The following GAPVD1 variants were observed in gnomAD, a reference collection of about 807,000 sequenced individuals.
GAPVD1 encodes GTPase-activating protein and VPS9 domain-containing protein 1.
GAPVD1 carries 35 observed loss-of-function variants against 155.5 expected under a neutral mutation model. That is an observed-to-expected ratio of 0.23 (90% CI 0.17 to 0.30). The LOEUF is 0.30. Among genes scored for constraint, GAPVD1 ranks in the 10% least tolerant of loss-of-function variants. The pLI is 1.00. For missense variants in GAPVD1, 1,429 were observed against 1,775.7 expected, an observed-to-expected ratio of 0.80 and a Z score of 3.51; for synonymous variants, 636 against 619.7, an observed-to-expected ratio of 1.03 and a Z score of -0.39.
chr9:125,349,363 C>T lies in GAPVD1; in HGVS notation c.3170-27C>T, dbSNP rs191231287. ...AATATTCCAAATGAACCTGGGTATC[C>T]GTTTCTTGGGGGTGGGTTTTGTTTA... is the stretch of plus-strand genomic sequence containing the variant. On this transcript the variant is annotated intron_variant, in intron 20 of 27. Transcript: ENST00000297933. 3.8e-4 allele frequency: 614 copies of T among 1,597,390 alleles called. 2 individuals carry two copies. The African/African-American group carries it at 5.5e-3, about 14-fold the overall frequency.
chr9:125,332,038 A>G lies in GAPVD1; in HGVS notation c.2286A>G (p.Thr762=). 6.2e-7 allele frequency: 1 copy of G among 1,614,154 alleles called. No individual in the cohort carries two copies. The highest frequency in any genetic ancestry group is 8.5e-7 in the Non-Finnish European group (1 of 1,180,012). Residue 762 remains threonine, a synonymous_variant, in exon 14 of 28, where the codon ACA becomes ACG. Coordinates refer to ENST00000297933, the MANE Select transcript of GAPVD1 (RefSeq NM_001282680.3). ...GGGAGGTCAGTTCCCGCCCCAGCAC[A>G]CCAGGCCTCAGTGTTGTGTCCGGTA... is the stretch of plus-strand genomic sequence containing the variant. ...DVREVSSRPS[T]PGLSVVSGIS...
intron 25 of GAPVD1, 79 bp downstream of exon 25, chr9:125,355,936 C>T (rs887465371): frequency 1.9e-5 from 15 of 785,568 alleles, no homozygotes; most frequent in African/African-American, 3.4e-5. Flanking sequence ...GCAAGCTATA[C>T]GTGTAACTTA....
intron 2 of GAPVD1, among the ~76,000 whole-genome samples, chr9:125,280,266 C>T (rs1281656573): frequency 6.6e-6 from 1 of 150,718 alleles, no homozygotes. Flanking sequence ...CATGGTGGTG[C>T]ATGCCTGTAA....
chr9:125,312,767 G>A (rs1160943584), intron 9 of GAPVD1, among the ~76,000 whole-genome samples, 155 bp downstream of exon 9: 2 of 152,150 alleles, frequency 1.3e-5, no homozygotes, highest in Non-Finnish European at 2.9e-5. Context: ...CAGATTCAGT[G>A]TCTTGTAAGG....
At chr9:125,341,563 T>G (rs1336242536) in intron 18 of GAPVD1, 2 of 209,766 alleles carry the variant, frequency 9.5e-6, no homozygotes, top group East Asian at 2.3e-4. Context: ...ACATATATAT[T>G]GCTATTAATT....
rs534947919 is a variant in GAPVD1 at position 125,352,126 on chromosome 9, G to A, written c.3569+1254G>A. Among the ~76,000 whole-genome samples, 3 of 152,268 alleles carry A rather than the reference G, an allele frequency of 2.0e-5. No homozygotes were observed. In the South Asian group the frequency reaches 6.2e-4, roughly 32 times the overall value. On this transcript the variant is annotated intron_variant, in intron 23 of 27. Transcript: ENST00000297933. ...CTGGCTGCTTTCATGGGCTGGTGTG[G>A]AGTTGCTGGCTTTTCTAGGTGCACG... is the stretch of plus-strand genomic sequence containing the variant.
intron 2 of GAPVD1, among the ~76,000 whole-genome samples, chr9:125,288,743 G>A (rs538780614): frequency 1.3e-4 from 20 of 152,312 alleles, no homozygotes; most frequent in African/African-American, 4.8e-4. Context: ...CTTATGGTCA[G>A]TGATGACTGC....
chr9:125,337,741 T>G, intron 17 of GAPVD1, 150 bp downstream of exon 17: 1 of 815,440 alleles, frequency 1.2e-6, no homozygotes, highest in Non-Finnish European at 1.9e-6. Context: ...CCCACAACCA[T>G]AACCGCAGGA....
At position 125,366,598 on chromosome 9, in the gene GAPVD1, T is replaced by C. The variant is rs1851481856; in HGVS notation, c.*3852T>C. ...TTTATTTTGTACGCAATTGCTTTAATTTTAAGGGAAGTAAATCTGAAACTA... is the reference window on the plus strand; with the variant it reads ...TTTATTTTGTACGCAATTGCTTTAACTTTAAGGGAAGTAAATCTGAAACTA... On this transcript the variant is annotated 3_prime_UTR_variant, in exon 28 of 28. Coordinates refer to ENST00000297933, the MANE Select transcript of GAPVD1 (RefSeq NM_001282680.3). 6.6e-6 allele frequency: 1 copy of C among 152,222 alleles called. No individual in the cohort carries two copies. 9.4% of individuals were successfully genotyped at this position (152,222 alleles called of 1,614,324 possible). A position where few individuals can be genotyped will look rare whatever the true frequency, so the allele number is the denominator to read the frequency against.
At position 125,366,295 on chromosome 9, in the gene GAPVD1, A is replaced by T. The variant is rs1467669358; in HGVS notation, c.*3549A>T. ...GCTGACTGGTGTGCTGAACCCGGGC[A>T]CTCTTTTTCCTATTGTTTGCCATGG... On this transcript the variant is annotated 3_prime_UTR_variant, in exon 28 of 28. Transcript: ENST00000297933. 6.6e-6 allele frequency: 1 copy of T among 151,756 alleles called. No homozygotes were observed. The highest frequency in any genetic ancestry group is 1.9e-4 in the East Asian group (1 of 5,174). The allele number at this position is 151,756 out of a possible 1,614,324, so 9.4% of individuals were successfully genotyped here.
rs201827411 is a variant in GAPVD1 at position 125,296,518 on chromosome 9, C to T, written c.-33+944C>T. 9.3e-5 allele frequency among the ~76,000 whole-genome samples: 14 copies of T among 151,288 alleles called. No homozygotes were observed. The East Asian group carries it at 2.7e-3, about 29-fold the overall frequency. On this transcript the variant is annotated intron_variant, in intron 3 of 27. Transcript: ENST00000297933. ...TACAGGCATGTGCCACCATGCCCGG[C>T]TAATTTTGTGTTTTTGGTAGAGACC...
In GAPVD1 at chr9:125,298,957, C is replaced by A. The variant is rs777206049; in HGVS notation, c.36C>A (p.His12Gln). 4 of 1,611,996 alleles carry A rather than the reference C, an allele frequency of 2.5e-6. No individual in the cohort carries two copies. The highest frequency in any genetic ancestry group is 4.5e-5 in the East Asian group (2 of 44,858). The change falls in exon 4 of 28, where the codon CAC becomes CAA. Residue 12 changes from histidine to glutamine, a missense_variant. Coordinates refer to ENST00000297933, the MANE Select transcript of GAPVD1 (RefSeq NM_001282680.3). ...VKLDIHTLAH[H>Q]LKQERLYVNS... is the part of the protein sequence containing the mutation. ...TAGATATTCATACTCTGGCTCATCA[C>A]CTCAAGCAGGAACGCTTATATGTAA... is the stretch of plus-strand genomic sequence containing the variant.
At chr9:125,306,877 G>A (rs902306339) in intron 6 of GAPVD1, among the ~76,000 whole-genome samples, 1 of 152,124 alleles carries the variant, frequency 6.6e-6, no homozygotes, top group Non-Finnish European at 1.5e-5. Context: ...TCCTAGTGCT[G>A]AGCGCACTTT....
chr9:125,318,839 A>G (rs1420077189), intron 9 of GAPVD1, among the ~76,000 whole-genome samples: 3 of 151,856 alleles, frequency 2.0e-5, no homozygotes, highest in Non-Finnish European at 4.4e-5. Flanking sequence ...CCTTGGGTCC[A>G]GGACTTCAAG....
chr9:125,305,180 T>A, intron 6 of GAPVD1, 31 bp downstream of exon 6: 5 of 1,439,078 alleles, frequency 3.5e-6, no homozygotes, highest in Non-Finnish European at 4.9e-6. Flanking sequence ...TAGAAAATTC[T>A]GAAGTATTAG....
intron 1 of GAPVD1, chr9:125,264,162 A>T: frequency 1.5e-6 from 1 of 675,418 alleles, no homozygotes; most frequent in Non-Finnish European, 2.7e-6. Flanking sequence ...ATAATCAGGG[A>T]GATAAAAAAT....
chr9:125,322,353 C>T (rs140541924), intron 10 of GAPVD1, among the ~76,000 whole-genome samples: 3,121 of 151,804 alleles, frequency 0.021, 82 homozygotes, highest in African/African-American at 0.069. Context: ...CGTGAGCCAC[C>T]GCGCCTGGCC....
At position 125,366,650 on chromosome 9, in the gene GAPVD1, AG is replaced by A. The variant is rs1415725121; in HGVS notation, c.*3905del. On this transcript the variant is annotated 3_prime_UTR_variant, in exon 28 of 28. Transcript: ENST00000297933. The stretch of plus-strand genomic sequence containing the variant: ...CTTGAAGCCCAAAGGATTTTTAGTA[AG>A]TGGATTAACAGTGATGAGGTATTTG... The A allele has an allele frequency of 6.6e-6, 1 of 152,232 alleles. No individual in the cohort carries two copies. Among genetic ancestry groups the A allele is most frequent in the Admixed American group, 6.5e-5 (1 of 15,284 alleles). 9.4% of individuals were successfully genotyped at this position (152,232 alleles called of 1,614,324 possible).
intron 1 of GAPVD1, chr9:125,263,750 T>C (rs1833366272): frequency 6.8e-6 from 6 of 888,192 alleles, no homozygotes; most frequent in Non-Finnish European, 3.8e-6. Flanking sequence ...GCTTCCCCTC[T>C]TGTGAGTCTC....
Sources: allele counts gnomAD v4.1 joint callset (sites outside exome capture counted in the v4.1 genomes callset), GRCh38; gene constraint gnomAD v4.1.1; transcripts MANE v1.5; gene names NCBI Gene and HGNC (gene_info 2026-07-23, HGNC 2026-07-21).